PNPLA7: variants seen among roughly 807,000 people sequenced by gnomAD.
The protein encoded by PNPLA7 is patatin like domain 7, lysophospholipase, also known as patatin-like phospholipase domain-containing protein 7.
Under a neutral mutation model 161.7 loss-of-function variants are expected in PNPLA7, and 153 were observed. That is an observed-to-expected ratio of 0.95 (90% CI 0.83 to 1.08). The LOEUF (loss-of-function observed/expected upper bound fraction) is 1.08. Ranked by LOEUF, PNPLA7 falls within the 50% of genes least tolerant of loss-of-function variation. The pLI is 0.00. For missense variants in PNPLA7, 1,739 were observed against 1,856.6 expected, an observed-to-expected ratio of 0.94 and a Z score of 1.16; for synonymous variants, 809 against 782.1, an observed-to-expected ratio of 1.03 and a Z score of -0.57.
chr9:137,547,091 TC>T lies in PNPLA7; in HGVS notation c.194-183del, dbSNP rs1330335569. 6.6e-6 allele frequency among the ~76,000 whole-genome samples: 1 copy of T among 152,172 alleles called. No homozygotes were observed. Among genetic ancestry groups the T allele is most frequent in the African/African-American group, 2.4e-5 (1 of 41,438 alleles). The stretch of plus-strand genomic sequence containing the variant: ...TCCAACAAAGGGGGCTCTCCCCTCT[TC>T]CCACTGAAGCCTTGCTCAGGAGAGG... On this transcript the variant is annotated intron_variant, in intron 3 of 34. Transcript: ENST00000406427. This position sits in a 1 kb window ranked among gnomAD's most constrained non-coding sequence, Gnocchi z 4.6.
At position 137,462,227 on chromosome 9, in the gene PNPLA7, G is replaced by C; in HGVS notation, c.3597C>G (p.Pro1199=). The part of the protein sequence containing the change: ...SSDYCEYLRP[P]IDSYSTLDFG... The stretch of plus-strand genomic sequence containing the variant: ...AGTCCAGGGTGCTGTAGCTGTCGAT[G>C]GGGGGGCGCAGGTACTCGCAGTAGT... The change falls in exon 31 of 35, where the codon CCC becomes CCG. Residue 1199 remains proline, a synonymous_variant. Transcript: ENST00000406427. 1 of 1,604,802 alleles carries C rather than the reference G, an allele frequency of 6.2e-7. No individual in the cohort carries two copies. The highest frequency in any genetic ancestry group is 2.2e-5 in the East Asian group (1 of 44,718).
rs545125706 is a variant in PNPLA7 at position 137,484,850 on chromosome 9, G to A, written c.2198-114C>T. 1.9e-5 allele frequency: 24 copies of A among 1,285,190 alleles called. No individual in the cohort carries two copies. In the East Asian group the frequency reaches 2.9e-4, roughly 15 times the overall value. The allele number at this position is 1,285,190 out of a possible 1,614,324, so 79.6% of individuals were successfully genotyped here. On this transcript the variant is annotated intron_variant, in intron 20 of 34. Coordinates refer to ENST00000406427, the MANE Select transcript of PNPLA7 (RefSeq NM_001098537.3). Reference sequence around the variant, plus strand: ...GAGCAACGCAGCAGCACCAGAGGCCGCCTGGCCCTCCCGCCTCCCCAGTCC... The same window carrying A: ...GAGCAACGCAGCAGCACCAGAGGCCACCTGGCCCTCCCGCCTCCCCAGTCC...
At chr9:137,549,771 C>T (rs1376799109) in intron 1 of PNPLA7, among the ~76,000 whole-genome samples, 2 of 151,370 alleles carry the variant, frequency 1.3e-5, no homozygotes, top group African/African-American at 2.4e-5. Context: ...GGCGACAGAG[C>T]GAGACTCCGT....
At chr9:137,474,218 G>A (rs536530642) in intron 25 of PNPLA7, among the ~76,000 whole-genome samples, 4 of 152,208 alleles carry the variant, frequency 2.6e-5, no homozygotes, top group Admixed American at 6.5e-5. Flanking sequence ...CAGCCTGGGC[G>A]ACAAAGCGAG....
chr9:137,517,804 C>G (rs1834694820), intron 11 of PNPLA7, among the ~76,000 whole-genome samples: 1 of 24,552 alleles, frequency 4.1e-5, no homozygotes, highest in Non-Finnish European at 7.8e-5. Context: ...ACTCTGTCCA[C>G]TCCATCCCCC....
At chr9:137,530,255 G>A (rs994267573) in intron 8 of PNPLA7, among the ~76,000 whole-genome samples, 5 of 152,342 alleles carry the variant, frequency 3.3e-5, no homozygotes, top group South Asian at 2.1e-4. Context: ...GTGAGCCACC[G>A]CACCTGGCCT....
intron 20 of PNPLA7, among the ~76,000 whole-genome samples, chr9:137,487,559 C>T (rs889262328): frequency 1.3e-4 from 20 of 152,252 alleles, no homozygotes; most frequent in Admixed American, 2.0e-4. Context: ...AAGAGGGAGG[C>T]GCCCACGTCT....
At chr9:137,463,149 G>A (rs954077327) in intron 29 of PNPLA7, 9 of 587,486 alleles carry the variant, frequency 1.5e-5, no homozygotes, top group Middle Eastern at 4.6e-4. Flanking sequence ...CCAGTTCCTC[G>A]ACTTGGCCTT....
intron 21 of PNPLA7, 63 bp from the exon 22 acceptor site, chr9:137,481,086 C>T: frequency 4.0e-6 from 6 of 1,513,600 alleles, no homozygotes; most frequent in Non-Finnish European, 5.4e-6. Flanking sequence ...GCCAACAAGG[C>T]ACCGACACCC....
Position 137,505,673 on chromosome 9 carries a change from TC to T in PNPLA7, c.1413del (p.Lys472SerfsTer16), listed in dbSNP as rs1833876339. 1 of 1,614,102 alleles carries T rather than the reference TC, an allele frequency of 6.2e-7. No individual in the cohort carries two copies. The highest frequency in any genetic ancestry group is 2.2e-5 in the East Asian group (1 of 44,888). On this transcript the variant is annotated frameshift_variant, in exon 14 of 35. Coordinates refer to ENST00000406427, the MANE Select transcript of PNPLA7 (RefSeq NM_001098537.3). LOFTEE classifies it high-confidence loss of function. Reference protein sequence around the residue: ...ESHTDETLASRKSDAIFRAAK... With the variant: ...ESHTDETLASXKSDAIFRAAK... ...GCAGCTCTGAAGATGGCATCCGACT[TC>T]CTGCTGGCCAGGGTCTCATCCGTGT...
Position 137,462,206 on chromosome 9 carries a change from C to A in PNPLA7, c.3618G>T (p.Leu1206=). 1 of 1,584,266 alleles carries A rather than the reference C, an allele frequency of 6.3e-7. No individual in the cohort carries two copies. The highest frequency in any genetic ancestry group is 8.6e-7 in the Non-Finnish European group (1 of 1,163,568). The change falls in exon 31 of 35, where the codon CTG becomes CTT. Residue 1206 remains leucine, a synonymous_variant. Transcript: ENST00000406427. ...LRPPIDSYST[L]DFGKFNEICE... The stretch of plus-strand genomic sequence containing the variant: ...AGATCTCGTTGAACTTGCCGAAGTC[C>A]AGGGTGCTGTAGCTGTCGATGGGGG...
At chr9:137,510,267 GAC>G (rs1372218324) in intron 12 of PNPLA7, among the ~76,000 whole-genome samples, 2 of 152,154 alleles carry the variant, frequency 1.3e-5, no homozygotes, top group South Asian at 2.1e-4. Context: ...ACATCAGTCA[GAC>G]CTGCCCACAG....
intron 14 of PNPLA7, among the ~76,000 whole-genome samples, chr9:137,505,154 C>T (rs1012099397): frequency 7.4e-6 from 1 of 136,036 alleles, no homozygotes; most frequent in African/African-American, 2.8e-5. Context: ...TATCACTGCA[C>T]TCCAGCCTGG....
intron 11 of PNPLA7, chr9:137,516,723 C>T (rs1251943804): frequency 6.2e-6 from 1 of 160,638 alleles, no homozygotes; most frequent in Non-Finnish European, 1.3e-5. Flanking sequence ...GAGGCTGACG[C>T]AGGAGAATCC....
At chr9:137,491,729 C>T (rs769095884) in intron 20 of PNPLA7, 36 of 985,324 alleles carry the variant, frequency 3.7e-5, no homozygotes, top group Non-Finnish European at 4.2e-5. Context: ...TGCATCCATC[C>T]GCTTCTTGGA....
rs537267070 is a variant in PNPLA7 at position 137,524,302 on chromosome 9, C to T, written c.748-1445G>A. The stretch of plus-strand genomic sequence containing the variant: ...CTTGACTCCCAAGTGCTGGCTGTCT[C>T]GTGGAGGCCTCGCAGGGTCTCCGTC... On this transcript the variant is annotated intron_variant, in intron 8 of 34. Coordinates refer to ENST00000406427, the MANE Select transcript of PNPLA7 (RefSeq NM_001098537.3). The surrounding 1 kb of genome is among the most constrained non-coding windows in gnomAD (Gnocchi z 4.4). Among the ~76,000 whole-genome samples the T allele has an allele frequency of 6.6e-5, 10 of 152,328 alleles. No homozygotes were observed. In the South Asian group the frequency reaches 2.1e-3, roughly 32 times the overall value.
At chr9:137,536,107 C>G (rs1160388891) in intron 8 of PNPLA7, among the ~76,000 whole-genome samples, 2 of 150,176 alleles carry the variant, frequency 1.3e-5, no homozygotes, top group Non-Finnish European at 3.0e-5. Flanking sequence ...GAGCTGAGAT[C>G]GCGCCACTGC....
chr9:137,479,952 A>T, intron 23 of PNPLA7: 2 of 942,448 alleles, frequency 2.1e-6, no homozygotes, highest in South Asian at 4.9e-5. Flanking sequence ...AACAGGAACG[A>T]CGCCGACACC....
In PNPLA7 at chr9:137,501,875, G is replaced by A. The variant is rs1278024067; in HGVS notation, c.1474-148C>T. 1.6e-5 allele frequency: 12 copies of A among 771,936 alleles called. 1 individual carries two copies. In the Admixed American group the frequency reaches 2.3e-4, roughly 15 times the overall value. 47.8% of individuals were successfully genotyped at this position (771,936 alleles called of 1,614,324 possible). A position where few individuals can be genotyped will look rare whatever the true frequency, so the allele number is the denominator to read the frequency against. ...TCCTCCGAGGCTGTCCTCCAACAAG[G>A]GCCTGATGGACACTGGGCACCCTGC... is the stretch of plus-strand genomic sequence containing the variant. On this transcript the variant is annotated intron_variant, in intron 14 of 34. Coordinates refer to ENST00000406427, the MANE Select transcript of PNPLA7 (RefSeq NM_001098537.3).
Sources: allele counts gnomAD v4.1 joint callset (sites outside exome capture counted in the v4.1 genomes callset), GRCh38; gene constraint gnomAD v4.1.1; non-coding constraint Gnocchi (gnomAD v3.1); transcripts MANE v1.5; gene names NCBI Gene and HGNC (gene_info 2026-07-23, HGNC 2026-07-21).